Variants in COL4A6 observed in about 807,000 individuals in gnomAD.
COL4A6 encodes the protein collagen alpha-6(IV) chain.
In COL4A6, 59 loss-of-function variants were observed where a neutral mutation model predicts 126.7. The ratio of observed to expected loss-of-function variants is 0.47; its 90% CI spans 0.38 to 0.58. The LOEUF (loss-of-function observed/expected upper bound fraction) is 0.58. COL4A6 is among the 20% of genes least tolerant of loss of function. The pLI is 0.00. For missense variants in COL4A6, 1,285 were observed against 1,337.3 expected (o/e 0.96, Z 0.61); for synonymous variants, 547 against 496.6 (o/e 1.10, Z -1.35).
intron 2 of COL4A6, among the ~76,000 whole-genome samples, chrX:108,345,698 T>C (rs183916581): frequency 9.0e-6 from 1 of 111,470 alleles, no homozygotes; most frequent in East Asian, 2.8e-4. Context: ...TTGCCCTGGG[T>C]CAAGAGATTT....
chrX:108,426,192 C>T (rs776839710), intron 2 of COL4A6, among the ~76,000 whole-genome samples: 9 of 111,584 alleles, frequency 8.1e-5, no homozygotes, highest in Non-Finnish European at 1.5e-4. Context: ...CCCTTGGGTA[C>T]GGAAAAATGG....
chrX:108,277,041 C>A (rs2037625827), intron 3 of COL4A6, among the ~76,000 whole-genome samples: 1 of 112,132 alleles, frequency 8.9e-6, no homozygotes, highest in Non-Finnish European at 1.9e-5. Flanking sequence ...CGAATAGGAA[C>A]AGCTCTGGTC....
At chrX:108,184,218 G>T (rs1167038147) in intron 23 of COL4A6, among the ~76,000 whole-genome samples, 1 of 112,348 alleles carries the variant, frequency 8.9e-6, no homozygotes, top group African/African-American at 3.2e-5. Context: ...TTTTAAAATT[G>T]TGCAGAAGAA....
chrX:108,432,855 C>T (rs891440708), intron 2 of COL4A6, among the ~76,000 whole-genome samples: 10 of 110,140 alleles, frequency 9.1e-5, no homozygotes, highest in African/African-American at 3.3e-4. Context: ...AACAAAAAAA[C>T]AAAACAAAAC....
intron 2 of COL4A6, among the ~76,000 whole-genome samples, chrX:108,383,193 CAG>C (rs1360251265): frequency 9.1e-6 from 1 of 110,162 alleles, no homozygotes; most frequent in Non-Finnish European, 1.9e-5. Context: ...GACCCAACTA[CAG>C]AGTTATAATT....
intron 20 of COL4A6, among the ~76,000 whole-genome samples, chrX:108,189,444 G>A (rs1187628464): frequency 8.9e-6 from 1 of 111,941 alleles, no homozygotes; most frequent in Non-Finnish European, 1.9e-5. Flanking sequence ...CATGTATAAT[G>A]AAGCTTGATA....
chrX:108,193,617 A>G lies in COL4A6; in HGVS notation c.1072+11T>C. 1 of 1,187,116 alleles carries G rather than the reference A, an allele frequency of 8.4e-7. No homozygotes were observed. The highest frequency in any genetic ancestry group is 1.8e-5 in the South Asian group (1 of 55,158). ...TCTTTATTTTCCACTCAAATTAATG[A>G]GAAGTTGCACCTGAGATCACAGCAC... On this transcript the variant is annotated intron_variant, in intron 17 of 44. Coordinates refer to ENST00000334504, the MANE Select transcript of COL4A6 (RefSeq NM_033641.4).
At chrX:108,392,258 G>A (rs960085850) in intron 2 of COL4A6, among the ~76,000 whole-genome samples, 7 of 111,511 alleles carry the variant, frequency 6.3e-5, no homozygotes, top group African/African-American at 2.3e-4. Flanking sequence ...AAAAAGAATA[G>A]AGTGGATTTT....
At position 108,162,947 on chromosome X, in the gene COL4A6, A is replaced by G; in HGVS notation, c.4161T>C (p.Asp1387=). 8.3e-7 allele frequency: 1 copy of G among 1,201,787 alleles called. No individual in the cohort carries two copies. The highest frequency in any genetic ancestry group is 1.8e-5 in the South Asian group (1 of 55,392). Residue 1387 remains aspartate, a synonymous_variant, in exon 41 of 45, where the codon GAT becomes GAC. Coordinates refer to ENST00000334504, the MANE Select transcript of COL4A6 (RefSeq NM_033641.4). ...PPGPLGLPGI[D]GIPGLTGDPG... is the part of the protein sequence containing the mutation. Reference sequence around the variant, plus strand: ...GGTCCCCAGTGAGGCCAGGGATGCCATCGATCCCTGGTAGACCCAAGGGTC... The same window carrying G: ...GGTCCCCAGTGAGGCCAGGGATGCCGTCGATCCCTGGTAGACCCAAGGGTC...
chrX:108,377,648 C>T (rs2040469181), intron 2 of COL4A6, among the ~76,000 whole-genome samples: 1 of 106,272 alleles, frequency 9.4e-6, no homozygotes, highest in Non-Finnish European at 1.9e-5. Flanking sequence ...AGCTGTAACT[C>T]GGCCGGGCGC....
Position 108,176,928 on chromosome X carries a change from G to C in COL4A6, c.2599C>G (p.Leu867Val). The C allele has an allele frequency of 8.3e-7, 1 of 1,211,698 alleles. No homozygotes were observed. The highest frequency in any genetic ancestry group is 3.0e-5 in the East Asian group (1 of 33,850). ...CCTACTAGGCCTGGATTTCCAGGAAGGCCTTTTAGCCCTGGCAGCCCTTTC... is the reference window on the plus strand; with the variant it reads ...CCTACTAGGCCTGGATTTCCAGGAACGCCTTTTAGCCCTGGCAGCCCTTTC... Reference protein sequence around the residue: ...VKKGLPGLKGLPGNPGLVGLK... With the variant: ...VKKGLPGLKGVPGNPGLVGLK... Residue 867 changes from leucine (L) to valine (V), a missense_variant, in exon 28 of 45, where the codon CTT becomes GTT. Transcript: ENST00000334504.
At chrX:108,163,816 G>A (rs183056536) in intron 40 of COL4A6, among the ~76,000 whole-genome samples, 11 of 112,323 alleles carry the variant, frequency 9.8e-5, no homozygotes, top group African/African-American at 3.6e-4. Context: ...ACATTAGAAG[G>A]ACTTTGCTAT....
At chrX:108,320,088 A>G (rs1389629408) in intron 2 of COL4A6, among the ~76,000 whole-genome samples, 1 of 112,068 alleles carries the variant, frequency 8.9e-6, no homozygotes, top group East Asian at 2.8e-4. Context: ...ATTCTCTTCA[A>G]CATACTTATT....
intron 41 of COL4A6, 131 bp downstream of exon 41, chrX:108,162,761 T>A: frequency 1.4e-6 from 1 of 731,713 alleles, no homozygotes; most frequent in Non-Finnish European, 1.9e-6. Context: ...ACAGGAAGCT[T>A]GGGAGCTTTG....
rs897535794 is a variant in COL4A6, at chrX:108,164,514, G to A, written c.4069+86C>T. 33 of 867,588 alleles carry A rather than the reference G, an allele frequency of 3.8e-5. No individual in the cohort carries two copies. The East Asian group carries it at 4.7e-4, about 12-fold the overall frequency. The allele number at this position is 867,588 out of a possible 1,213,427, so 71.5% of individuals were successfully genotyped here. On this transcript the variant is annotated intron_variant, in intron 40 of 44. Transcript: ENST00000334504. ...TTTTAGACATCCAGACTTTCTTGGC[G>A]TGGTGAGCAATGATGCCTGAAGGAA...
intron 2 of COL4A6, among the ~76,000 whole-genome samples, chrX:108,385,865 C>T (rs1413311890): frequency 2.7e-5 from 3 of 109,683 alleles, no homozygotes; most frequent in Non-Finnish European, 5.7e-5. Context: ...TATCTCTCCC[C>T]TAGACCCCTA....
chrX:108,252,669 CCT>C (rs201401709), intron 3 of COL4A6, among the ~76,000 whole-genome samples: 3,822 of 97,285 alleles, frequency 0.039, 169 homozygotes, highest in African/African-American at 0.13. Context: ...CCAGCATTAC[CCT>C]GATATTAAAA....
At chrX:108,304,326 T>G (rs1040498102) in intron 3 of COL4A6, among the ~76,000 whole-genome samples, 4 of 111,892 alleles carry the variant, frequency 3.6e-5, no homozygotes, top group East Asian at 5.6e-4. Context: ...TGCATCTTGA[T>G]TCTGTGCAGA....
intron 3 of COL4A6, among the ~76,000 whole-genome samples, chrX:108,299,222 G>A (rs1569414817): frequency 8.9e-6 from 1 of 111,820 alleles, no homozygotes; most frequent in Non-Finnish European, 1.9e-5. Flanking sequence ...CTGTGTATAT[G>A]TGTGGCTTTT....
Sources: allele counts gnomAD v4.1 joint callset (sites outside exome capture counted in the v4.1 genomes callset), GRCh38; gene constraint gnomAD v4.1.1; transcripts MANE v1.5; gene names NCBI Gene and HGNC (gene_info 2026-07-23, HGNC 2026-07-21).